Variants in USP45 observed in about 807,000 individuals in gnomAD.
USP45 encodes ubiquitin carboxyl-terminal hydrolase 45.
Under a neutral mutation model 95.8 loss-of-function variants are expected in USP45, and 89 were observed. That is an observed-to-expected ratio of 0.93 (90% CI 0.78 to 1.11). USP45 has a LOEUF of 1.11. Among genes scored for constraint, USP45 ranks in the 50% least tolerant of loss-of-function variants. USP45 has a pLI of 0.00. For synonymous variants in USP45, 281 were observed against 316.2 expected (o/e 0.89, Z 1.18); for missense variants, 898 against 942.5 (o/e 0.95, Z 0.62).
At chr6:99,508,017 T>A (rs1388214416) in intron 3 of USP45, among the ~76,000 whole-genome samples, 1 of 152,188 alleles carries the variant, frequency 6.6e-6, no homozygotes, top group East Asian at 1.9e-4. Flanking sequence ...TTTTGTTTGT[T>A]TTTTAAGAGG....
intron 4 of USP45, 139 bp downstream of exon 4, chr6:99,507,289 T>A: frequency 2.1e-6 from 1 of 468,728 alleles, no homozygotes; most frequent in Non-Finnish European, 3.8e-6. Context: ...TTTCTTGAAG[T>A]ATCCCATAGA....
At chr6:99,460,955 G>T in intron 13 of USP45, 1 of 984,862 alleles carries the variant, frequency 1.0e-6, no homozygotes, top group Non-Finnish European at 1.2e-6. Context: ...CAAGATTCTG[G>T]TCTTATAATT....
At chr6:99,512,896 C>T (rs1800213573) in intron 1 of USP45, among the ~76,000 whole-genome samples, 1 of 152,154 alleles carries the variant, frequency 6.6e-6, no homozygotes, top group Non-Finnish European at 1.5e-5. Context: ...AGCAACTTCC[C>T]AGTTCTTCCA....
intron 3 of USP45, 115 bp downstream of exon 3, chr6:99,508,495 T>C (rs970323439): frequency 2.8e-5 from 30 of 1,074,274 alleles, no homozygotes; most frequent in Non-Finnish European, 3.7e-5. Context: ...AAAATTTCTA[T>C]CTAAATTGGA....
intron 16 of USP45, among the ~76,000 whole-genome samples, chr6:99,438,694 G>A (rs1053185976): frequency 9.2e-5 from 14 of 152,162 alleles, no homozygotes; most frequent in Admixed American, 8.5e-4. Flanking sequence ...GTTAAAAAGT[G>A]TAGAGGGAGC....
rs1171126263 is a variant in USP45, at chr6:99,434,219, T to C, written c.*1497A>G. 2.0e-5 allele frequency: 3 copies of C among 149,230 alleles called. No individual in the cohort carries two copies. The highest frequency in any genetic ancestry group is 4.8e-5 in the African/African-American group (2 of 41,342). 9.2% of individuals were successfully genotyped at this position (149,230 alleles called of 1,614,324 possible). A position where few individuals can be genotyped will look rare whatever the true frequency, so the allele number is the denominator to read the frequency against. On this transcript the variant is annotated 3_prime_UTR_variant, in exon 18 of 18. Coordinates refer to ENST00000500704, the MANE Select transcript of USP45 (RefSeq NM_001346022.3). ...CTATTACCGTCTTTAATTACAGTTA[T>C]GTTCATCCATATATCAAAAGGCAGC...
chr6:99,468,307 G>T (rs530051695), intron 10 of USP45: 2 of 525,818 alleles, frequency 3.8e-6, no homozygotes, highest in East Asian at 7.7e-5. Flanking sequence ...AAAGGTATCG[G>T]TGTCAATCTG....
intron 13 of USP45, among the ~76,000 whole-genome samples, chr6:99,453,044 G>A (rs962506632): frequency 2.0e-5 from 3 of 152,046 alleles, no homozygotes; most frequent in Admixed American, 2.0e-4. Context: ...GCGGGAGCAG[G>A]GAGGGAAAGC....
At chr6:99,458,408 C>T (rs1444110710) in intron 13 of USP45, among the ~76,000 whole-genome samples, 2 of 152,164 alleles carry the variant, frequency 1.3e-5, no homozygotes, top group East Asian at 3.9e-4. Flanking sequence ...GAACTAGGCA[C>T]CTGAGACATA....
At chr6:99,511,220 C>T (rs116082761) in intron 1 of USP45, among the ~76,000 whole-genome samples, 4,561 of 151,834 alleles carry the variant, frequency 0.03, 239 homozygotes, top group African/African-American at 0.1. Context: ...AGATGGATCT[C>T]GGCTCACTGC....
chr6:99,505,645 A>G (rs1798355149), intron 4 of USP45, among the ~76,000 whole-genome samples: 1 of 151,736 alleles, frequency 6.6e-6, no homozygotes, highest in Non-Finnish European at 1.5e-5. Context: ...CATCTCAAAA[A>G]AAAAAAAAAA....
intron 3 of USP45, among the ~76,000 whole-genome samples, chr6:99,507,923 G>A (rs1583471412): frequency 1.3e-5 from 2 of 152,144 alleles, no homozygotes; most frequent in Admixed American, 1.3e-4. Flanking sequence ...TCCCTCACTA[G>A]GTAAGTAAAG....
intron 5 of USP45, among the ~76,000 whole-genome samples, chr6:99,495,775 T>C (rs371365237): frequency 5.3e-5 from 8 of 152,228 alleles, no homozygotes; most frequent in South Asian, 4.1e-4. Flanking sequence ...TTTGGATTTA[T>C]AGCTTTTTTA....
chr6:99,435,528 CTA>C lies in USP45; in HGVS notation c.*186_*187del, dbSNP rs1169005899. 3 of 433,826 alleles carry C rather than the reference CTA, an allele frequency of 6.9e-6. No homozygotes were observed. The highest frequency in any genetic ancestry group is 2.0e-5 in the African/African-American group (1 of 48,932). The allele number at this position is 433,826 out of a possible 1,614,324, so 26.9% of individuals were successfully genotyped here. ...AACAAAATTCACATTTATTTTAAGA[CTA>C]TGAATTTTAAAGCATTGAGTAAATT... is the stretch of plus-strand genomic sequence containing the variant. On this transcript the variant is annotated 3_prime_UTR_variant, in exon 18 of 18. Coordinates refer to ENST00000500704, the MANE Select transcript of USP45 (RefSeq NM_001346022.3).
chr6:99,467,370 T>C (rs1192663126), intron 10 of USP45, among the ~76,000 whole-genome samples: 1 of 152,178 alleles, frequency 6.6e-6, no homozygotes, highest in African/African-American at 2.4e-5. Context: ...GGCTGCATTA[T>C]GCTATTCTCT....
At chr6:99,443,027 G>A (rs1445137679) in intron 15 of USP45, among the ~76,000 whole-genome samples, 2 of 152,268 alleles carry the variant, frequency 1.3e-5, no homozygotes, top group Admixed American at 1.3e-4. Flanking sequence ...AAACCAGCCT[G>A]GCCAACATGG....
upstream of USP45, among the ~76,000 whole-genome samples, chr6:99,516,785 C>G (rs888984395): frequency 2.0e-5 from 3 of 152,086 alleles, no homozygotes; most frequent in Non-Finnish European, 2.9e-5. Context: ...CTTGGAAGAA[C>G]AAGAACAAGC....
chr6:99,459,876 G>C (rs1786000745), intron 13 of USP45, among the ~76,000 whole-genome samples: 1 of 152,176 alleles, frequency 6.6e-6, no homozygotes, highest in African/African-American at 2.4e-5. Context: ...GGGGAATAGG[G>C]AGAGGAGTGG....
chr6:99,488,873 C>T, intron 5 of USP45, 53 bp from the exon 6 acceptor site: 1 of 1,341,806 alleles, frequency 7.5e-7, no homozygotes, highest in Non-Finnish European at 9.9e-7. Context: ...AAATATGTCA[C>T]TTAACATAAT....
Sources: allele counts gnomAD v4.1 joint callset (sites outside exome capture counted in the v4.1 genomes callset), GRCh38; gene constraint gnomAD v4.1.1; transcripts MANE v1.5; gene names NCBI Gene and HGNC (gene_info 2026-07-23, HGNC 2026-07-21).